The following SLC3A1 variants were observed in gnomAD, a reference collection of about 807,000 sequenced individuals.
SLC3A1 encodes amino acid transporter heavy chain SLC3A1.
SLC3A1 carries 78 observed loss-of-function variants against 60.3 expected under a neutral mutation model. The ratio of observed to expected loss-of-function variants is 1.29; its 90% CI spans 1.08 to 1.56. The LOEUF (loss-of-function observed/expected upper bound fraction) is 1.56, where lower values mean the gene tolerates loss of function less well. SLC3A1 is among the 40% of genes most tolerant of loss of function. SLC3A1 has a pLI of 0.00. For synonymous variants in SLC3A1, 392 were observed against 307.9 expected (o/e 1.27, Z -2.86); for missense variants, 1,172 against 858.9 (o/e 1.36, Z -4.56).
chr2:44,284,692 T>C (rs1671575739), intron 3 of SLC3A1, among the ~76,000 whole-genome samples: 1 of 152,080 alleles, frequency 6.6e-6, no homozygotes, highest in Admixed American at 6.6e-5. Context: ...GCCTCCTTAG[T>C]AGCTGGGACC....
In SLC3A1 at chr2:44,312,176, T is replaced by C. The variant is rs1378566498; in HGVS notation, c.1333-410T>C. Among the ~76,000 whole-genome samples, 3 of 152,324 alleles carry C rather than the reference T, an allele frequency of 2.0e-5. No homozygotes were observed. The South Asian group carries it at 6.2e-4, about 32-fold the overall frequency. ...ATTTACTTTAAAAATTTTGTCTGAA[T>C]AATTCATAAGTCAAAACAATTTTTT... On this transcript the variant is annotated intron_variant, in intron 7 of 9. Transcript: ENST00000260649.
chr2:44,319,215 A>G (rs1672707322), intron 9 of SLC3A1: 1 of 152,622 alleles, frequency 6.6e-6, no homozygotes. Flanking sequence ...TAACAACCAC[A>G]ATAACAACTA....
At chr2:44,291,209 T>C (rs1671733860) in intron 4 of SLC3A1, among the ~76,000 whole-genome samples, 1 of 151,978 alleles carries the variant, frequency 6.6e-6, no homozygotes, top group African/African-American at 2.4e-5. Context: ...GTCAAGGAGG[T>C]TTTCAGTTAT....
Position 44,300,096 on chromosome 2 carries a change from G to C in SLC3A1, c.1011+6G>C. On this transcript the variant is annotated splice_donor_region_variant and intron_variant, in intron 5 of 9. Transcript: ENST00000260649. The stretch of plus-strand genomic sequence containing the variant: ...TAAATAAGACCCAAATCCCGGTAAA[G>C]TTTTATTTTAAACGTTTTTCTTTTG... 1 of 1,613,822 alleles carries C rather than the reference G, an allele frequency of 6.2e-7. No individual in the cohort carries two copies. Among genetic ancestry groups the C allele is most frequent in the Non-Finnish European group, 8.5e-7 (1 of 1,179,790 alleles).
Position 44,301,090 on chromosome 2 carries a change from AC to A in SLC3A1, c.1101del (p.Met368TrpfsTer27), listed in dbSNP as rs1671993944. On this transcript the variant is annotated frameshift_variant, in exon 6 of 10. Transcript: ENST00000260649. LOFTEE classifies it high-confidence loss of function. ...MHDIVRSFRQ[T>X]MDQYSTEPGR... is the part of the protein sequence containing the mutation. ...CGACATTGTCCGCAGCTTCCGGCAG[AC>A]CATGGACCAATACAGCACGGAGCCC... 6.2e-7 allele frequency: 1 copy of A among 1,613,966 alleles called. No individual in the cohort carries two copies. Among genetic ancestry groups the A allele is most frequent in the African/African-American group, 1.3e-5 (1 of 74,828 alleles).
chr2:44,311,645 C>T (rs1259777199), intron 7 of SLC3A1, among the ~76,000 whole-genome samples: 1 of 151,354 alleles, frequency 6.6e-6, no homozygotes, highest in African/African-American at 2.4e-5. Context: ...AATTTTCTGG[C>T]CATAAACATA....
rs901266657 is a variant in SLC3A1 at position 44,284,845 on chromosome 2, A to G, written c.766-1187A>G. Among the ~76,000 whole-genome samples the G allele has an allele frequency of 3.3e-5, 5 of 152,306 alleles. No individual in the cohort carries two copies. In the East Asian group the frequency reaches 9.6e-4, roughly 29 times the overall value. On this transcript the variant is annotated intron_variant, in intron 3 of 9. Coordinates refer to ENST00000260649, the MANE Select transcript of SLC3A1 (RefSeq NM_000341.4). ...CTCTCAAAGTGCTGTGATTACTGGC[A>G]TGAGCTACCATGCCCAGCCCAGACT...
intron 4 of SLC3A1, among the ~76,000 whole-genome samples, chr2:44,294,567 C>T (rs1013016668): frequency 2.0e-5 from 3 of 151,600 alleles, no homozygotes; most frequent in East Asian, 1.9e-4. Flanking sequence ...TTACTCCATA[C>T]AGAAACCCTC....
Position 44,280,712 on chromosome 2 carries a change from TCAGGTATTCAAGA to T in SLC3A1, c.431-3_440del. On this transcript the variant is annotated splice_acceptor_variant and splice_polypyrimidine_tract_variant and coding_sequence_variant and intron_variant, in exon 2 of 10. Transcript: ENST00000260649. LOFTEE classifies it high-confidence loss of function. ...TTATTCATGACTTTGACTTTTTTCT[TCAGGTATTCAAGA>T]TAAACTGGACTACATCACAGCTTTA... 6.2e-7 allele frequency: 1 copy of T among 1,601,306 alleles called. No individual in the cohort carries two copies. The highest frequency in any genetic ancestry group is 1.3e-5 in the African/African-American group (1 of 74,796).
At chr2:44,321,981 C>CT, downstream of SLC3A1, 1 of 1,368,004 alleles carries the variant, frequency 7.3e-7, no homozygotes, top group Non-Finnish European at 1.0e-6. Context: ...CTCCCCTCTT[C>CT]TTTGAGTACT....
chr2:44,299,888 G>C, intron 4 of SLC3A1, 83 bp from the exon 5 acceptor site: 1 of 1,397,050 alleles, frequency 7.2e-7, no homozygotes, highest in African/African-American at 1.4e-5. Context: ...ATGATGCCAA[G>C]TTGTTAACAG....
intron 7 of SLC3A1, among the ~76,000 whole-genome samples, chr2:44,307,248 CAG>C (rs766271552): frequency 2.0e-5 from 3 of 152,178 alleles, no homozygotes; most frequent in African/African-American, 4.8e-5. Context: ...CATGAATTGA[CAG>C]AGATTTGTTT....
At chr2:44,280,961 A>C in intron 2 of SLC3A1, 66 bp downstream of exon 2, 1 of 1,367,730 alleles carries the variant, frequency 7.3e-7, no homozygotes, top group Non-Finnish European at 1.0e-6. Context: ...TCAAATGTTT[A>C]CTTAAAGCAT....
intron 4 of SLC3A1, among the ~76,000 whole-genome samples, chr2:44,288,130 C>T (rs548845733): frequency 2.6e-5 from 4 of 151,692 alleles, no homozygotes; most frequent in African/African-American, 7.3e-5. Context: ...CAGGTTCAAG[C>T]GATTCTCCTG....
chr2:44,292,800 G>C (rs1222086609), intron 4 of SLC3A1, among the ~76,000 whole-genome samples: 1 of 152,186 alleles, frequency 6.6e-6, no homozygotes, highest in Non-Finnish European at 1.5e-5. Flanking sequence ...GATGAGACTA[G>C]AGAGGTCACT....
intron 4 of SLC3A1, among the ~76,000 whole-genome samples, chr2:44,293,401 C>T (rs556865215): frequency 6.6e-6 from 1 of 152,126 alleles, no homozygotes; most frequent in African/African-American, 2.4e-5. Context: ...CCTGTAATCC[C>T]AACTACTTGG....
intron 1 of SLC3A1, among the ~76,000 whole-genome samples, chr2:44,280,333 G>A (rs1671466973): frequency 6.6e-6 from 1 of 152,030 alleles, no homozygotes; most frequent in Non-Finnish European, 1.5e-5. Context: ...CCGATTCCCA[G>A]GTTCAAGAGA....
chr2:44,289,156 G>A (rs929424538), intron 4 of SLC3A1, among the ~76,000 whole-genome samples: 3 of 150,238 alleles, frequency 2.0e-5, no homozygotes, highest in African/African-American at 7.3e-5. Context: ...GTTAAACAGG[G>A]TTGTCTTTTT....
At chr2:44,282,354 G>A (rs1024595891) in intron 3 of SLC3A1, among the ~76,000 whole-genome samples, 12 of 151,856 alleles carry the variant, frequency 7.9e-5, no homozygotes, top group East Asian at 1.9e-4. Flanking sequence ...AATTTCAACC[G>A]ATCAACTTTC....
Sources: allele counts gnomAD v4.1 joint callset (sites outside exome capture counted in the v4.1 genomes callset), GRCh38; gene constraint gnomAD v4.1.1; transcripts MANE v1.5; gene names NCBI Gene and HGNC (gene_info 2026-07-23, HGNC 2026-07-21).